Variants in RAB11FIP4 observed in about 807,000 individuals in gnomAD.
The protein encoded by RAB11FIP4 is rab11 family-interacting protein 4.
In RAB11FIP4, 23 loss-of-function variants were observed where a neutral mutation model predicts 74.3. The observed-to-expected ratio is 0.31, with a 90% CI of 0.22 to 0.44. RAB11FIP4 has a LOEUF of 0.44. RAB11FIP4 is among the 20% of genes least tolerant of loss of function. The pLI is 1.00. For synonymous variants in RAB11FIP4, 360 were observed against 359.9 expected (o/e 1.00, Z 0.00); for missense variants, 630 against 863.9 (o/e 0.73, Z 3.39).
At chr17:31,453,355 CAAAAAAAAAAAAA>C (rs747844559) in intron 3 of RAB11FIP4, among the ~76,000 whole-genome samples, 2 of 71,774 alleles carry the variant, frequency 2.8e-5, no homozygotes, top group Non-Finnish European at 4.9e-5. Flanking sequence ...GACCCTACCT[CAAAAAAAAAAAAA>C]AAAAAAAAAA....
intron 3 of RAB11FIP4, among the ~76,000 whole-genome samples, chr17:31,507,916 TC>T (rs1466644745): frequency 6.6e-6 from 1 of 152,196 alleles, no homozygotes; most frequent in Non-Finnish European, 1.5e-5. Flanking sequence ...AGCCTCGACT[TC>T]CTGGGCTCAG....
At chr17:31,474,627 C>T (rs8071735) in intron 3 of RAB11FIP4, among the ~76,000 whole-genome samples, 9,083 of 150,984 alleles carry the variant, frequency 0.06, 870 homozygotes, top group African/African-American at 0.2. Context: ...TGAGATTGCG[C>T]CACTGCACTC....
rs1377734294 is a variant in RAB11FIP4 at position 31,517,815 on chromosome 17, G to A, written c.501G>A (p.Gly167=). 6.4e-7 allele frequency: 1 copy of A among 1,552,948 alleles called. No homozygotes were observed. Among genetic ancestry groups the A allele is most frequent in the Admixed American group, 2.0e-5 (1 of 51,042 alleles). Residue 167 remains glycine, a synonymous_variant, in exon 4 of 15, where the codon GGG becomes GGA. Coordinates refer to ENST00000621161, the MANE Select transcript of RAB11FIP4 (RefSeq NM_032932.6). The stretch of plus-strand genomic sequence containing the variant: ...TGGAGAGCACTCAGAGCCTGGAGGG[G>A]TCTGTCGGGAGTCCTGCCGAGAAGG... ...SPMESTQSLE[G]SVGSPAEKDG...
chr17:31,524,068 C>T (rs1286437897), intron 9 of RAB11FIP4, 72 bp downstream of exon 9: 24 of 1,115,682 alleles, frequency 2.2e-5, no homozygotes, highest in Non-Finnish European at 2.8e-5. Flanking sequence ...CTTGCTAAGA[C>T]CTCCAGGAGG....
intron 1 of RAB11FIP4, among the ~76,000 whole-genome samples, chr17:31,429,503 A>G (rs989247371): frequency 6.6e-5 from 10 of 152,164 alleles, no homozygotes; most frequent in Non-Finnish European, 1.3e-4. Flanking sequence ...CTGCCTCTGA[A>G]AACAACTTTC....
At chr17:31,406,693 G>C (rs138681454) in intron 1 of RAB11FIP4, among the ~76,000 whole-genome samples, 2 of 152,116 alleles carry the variant, frequency 1.3e-5, no homozygotes, top group African/African-American at 2.4e-5. Context: ...CTGTCCTATC[G>C]ATCTTTTTTC....
chr17:31,415,637 G>T (rs955459532), intron 1 of RAB11FIP4, among the ~76,000 whole-genome samples: 1 of 152,116 alleles, frequency 6.6e-6, no homozygotes, highest in Non-Finnish European at 1.5e-5. Context: ...ATCCAGTGCT[G>T]TCATTGTCCA....
intron 3 of RAB11FIP4, chr17:31,465,523 A>AAAAG (rs2071676206): frequency 6.6e-6 from 1 of 150,986 alleles, no homozygotes; most frequent in Non-Finnish European, 1.5e-5. Context: ...AAAAAAAAAA[A>AAAAG]AAAAAGAACC....
intron 3 of RAB11FIP4, among the ~76,000 whole-genome samples, chr17:31,441,588 T>C (rs1173385195): frequency 2.6e-5 from 4 of 151,994 alleles, no homozygotes; most frequent in Non-Finnish European, 5.9e-5. Flanking sequence ...AGTGCAGCAG[T>C]GTGATCTCGG....
At chr17:31,433,964 A>C in intron 2 of RAB11FIP4, 70 bp from the exon 3 acceptor site, 1 of 1,447,440 alleles carries the variant, frequency 6.9e-7, no homozygotes, top group Admixed American at 2.0e-5. Flanking sequence ...CCCATTAGTC[A>C]GAAGCAGAGC....
At chr17:31,514,474 G>T (rs1404040382) in intron 3 of RAB11FIP4, among the ~76,000 whole-genome samples, 1 of 140,960 alleles carries the variant, frequency 7.1e-6, no homozygotes, top group Non-Finnish European at 1.5e-5. Flanking sequence ...ACAGAATCAT[G>T]TCCGGACCCG....
At chr17:31,489,911 C>G (rs1257177135) in intron 3 of RAB11FIP4, among the ~76,000 whole-genome samples, 3 of 152,020 alleles carry the variant, frequency 2.0e-5, no homozygotes, top group Non-Finnish European at 4.4e-5. Flanking sequence ...GGGCCGGAGG[C>G]GAGGGGCGGG....
rs1452371143 is a variant in RAB11FIP4, at chr17:31,532,831, C to T, written c.*1099C>T. The T allele has an allele frequency of 1.3e-5, 2 of 152,178 alleles. No homozygotes were observed. Among genetic ancestry groups the T allele is most frequent in the African/African-American group, 4.8e-5 (2 of 41,420 alleles). The allele number at this position is 152,178 out of a possible 1,614,324, so 9.4% of individuals were successfully genotyped here. On this transcript the variant is annotated 3_prime_UTR_variant, in exon 15 of 15. Transcript: ENST00000621161. ...TTCTCAGCCAGGGGAGCACTCGCTG[C>T]ACTGGTGGGAGGCGGTTGGGAAAGT... is the stretch of plus-strand genomic sequence containing the variant.
intron 3 of RAB11FIP4, among the ~76,000 whole-genome samples, chr17:31,451,943 G>A (rs1036124180): frequency 6.6e-6 from 1 of 151,988 alleles, no homozygotes; most frequent in Non-Finnish European, 1.5e-5. Context: ...GGATACATGT[G>A]ATATTTCGAT....
intron 1 of RAB11FIP4, 46 bp downstream of exon 1, chr17:31,392,057 C>T: frequency 1.7e-6 from 2 of 1,147,364 alleles, no homozygotes; most frequent in Non-Finnish European, 2.2e-6. Context: ...CCCAGCCCAG[C>T]CCCGCCGCCC....
intron 1 of RAB11FIP4, among the ~76,000 whole-genome samples, chr17:31,393,588 A>G (rs1012683388): frequency 6.6e-6 from 1 of 151,266 alleles, no homozygotes; most frequent in Non-Finnish European, 1.5e-5. Context: ...TCCCTCATAC[A>G]CTCTAGAGAC....
At chr17:31,507,203 C>T (rs1597966380) in intron 3 of RAB11FIP4, among the ~76,000 whole-genome samples, 2 of 152,122 alleles carry the variant, frequency 1.3e-5, no homozygotes, top group Admixed American at 6.5e-5. Context: ...CGCTTGATTC[C>T]GGGAGGTGGA....
chr17:31,447,927 C>A (rs577875674), intron 3 of RAB11FIP4, among the ~76,000 whole-genome samples: 2 of 152,226 alleles, frequency 1.3e-5, no homozygotes, highest in African/African-American at 4.8e-5. Flanking sequence ...CTCAAGCAAT[C>A]CTCCTGCCTC....
intron 3 of RAB11FIP4, among the ~76,000 whole-genome samples, chr17:31,492,960 C>T (rs751271860): frequency 2.6e-5 from 4 of 151,990 alleles, no homozygotes; most frequent in East Asian, 1.9e-4. Flanking sequence ...GGAGATGAGA[C>T]GGGGAGGAGA....
Sources: gnomAD v4.1 joint callset for allele counts (sites outside exome capture counted in the v4.1 genomes callset) on GRCh38, gnomAD v4.1.1 for gene constraint, MANE v1.5 for transcripts, NCBI Gene and HGNC (gene_info 2026-07-23, HGNC 2026-07-21) for gene names.